The following TBC1D5 variants were observed in gnomAD, a reference collection of about 807,000 sequenced individuals.
TBC1D5 encodes TBC1 domain family member 5, also known as TBC1 domain family, member 5.
Under a neutral mutation model 100.3 loss-of-function variants are expected in TBC1D5, and 75 were observed. The ratio of observed to expected loss-of-function variants is 0.75; its 90% confidence interval spans 0.62 to 0.91. TBC1D5 has a LOEUF of 0.91. Ranked by LOEUF, TBC1D5 falls within the 40% of genes least tolerant of loss-of-function variation. The probability of loss-of-function intolerance (pLI) is 0.00; values close to 1 mark genes in which losing one functional copy is unlikely to be tolerated. For missense variants in TBC1D5, 910 were observed against 942.4 expected (o/e 0.97, Z 0.45); for synonymous variants, 323 against 325.6 (o/e 0.99, Z 0.09).
chr3:17,204,746 A>T (rs1177246756), intron 18 of TBC1D5, among the ~76,000 whole-genome samples: 1 of 152,180 alleles, frequency 6.6e-6, no homozygotes, highest in Non-Finnish European at 1.5e-5. Context: ...ATTTAAAATA[A>T]ATGTATTGCA....
chr3:17,309,634 T>C (rs1325339588), intron 13 of TBC1D5, among the ~76,000 whole-genome samples: 1 of 151,988 alleles, frequency 6.6e-6, no homozygotes, highest in African/African-American at 2.4e-5. Flanking sequence ...TTACATGGCT[T>C]AGGAAAAAAA....
At chr3:17,171,567 C>T (rs985998958) in intron 19 of TBC1D5, among the ~76,000 whole-genome samples, 1 of 152,076 alleles carries the variant, frequency 6.6e-6, no homozygotes, top group Non-Finnish European at 1.5e-5. Context: ...GTAGATGCAT[C>T]GCTCCAGTCT....
intron 19 of TBC1D5, among the ~76,000 whole-genome samples, chr3:17,177,396 C>A (rs2067890649): frequency 6.6e-6 from 1 of 152,138 alleles, no homozygotes; most frequent in Non-Finnish European, 1.5e-5. Context: ...TCAACTAGAA[C>A]AAGGTGATGG....
chr3:17,367,608 C>A (rs2092230193), intron 13 of TBC1D5, among the ~76,000 whole-genome samples: 1 of 152,074 alleles, frequency 6.6e-6, no homozygotes, highest in Non-Finnish European at 1.5e-5. Flanking sequence ...CGTGTAACCC[C>A]AGCACTTTGG....
chr3:17,407,306 A>G (rs1479804511), intron 4 of TBC1D5, among the ~76,000 whole-genome samples: 1 of 152,178 alleles, frequency 6.6e-6, no homozygotes, highest in Non-Finnish European at 1.5e-5. Flanking sequence ...CTGAGTTTGA[A>G]TAAAGCAATT....
chr3:17,298,553 G>A (rs189141543), intron 14 of TBC1D5, among the ~76,000 whole-genome samples: 37 of 152,322 alleles, frequency 2.4e-4, no homozygotes, highest in African/African-American at 8.4e-4. Context: ...TATGGCAGGG[G>A]TGATAAGGAG....
At chr3:17,210,858 CTTCTA>C (rs1438721303) in intron 18 of TBC1D5, among the ~76,000 whole-genome samples, 1 of 151,822 alleles carries the variant, frequency 6.6e-6, no homozygotes, top group East Asian at 1.9e-4. Flanking sequence ...TTTTTTCTCT[CTTCTA>C]TTTATTTGTT....
intron 1 of TBC1D5, among the ~76,000 whole-genome samples, chr3:17,633,266 G>A (rs1045856879): frequency 5.3e-5 from 8 of 151,982 alleles, no homozygotes; most frequent in South Asian, 2.1e-4. Flanking sequence ...GTGAAGTCTC[G>A]TCTCTACTAA....
chr3:17,417,890 T>C (rs928792365), intron 4 of TBC1D5, among the ~76,000 whole-genome samples: 1 of 151,876 alleles, frequency 6.6e-6, no homozygotes, highest in African/African-American at 2.4e-5. Context: ...GTATTTTTTT[T>C]TAATTGGAAT....
intron 16 of TBC1D5, among the ~76,000 whole-genome samples, chr3:17,254,387 T>C (rs2077442493): frequency 6.6e-6 from 1 of 152,172 alleles, no homozygotes; most frequent in Admixed American, 6.5e-5. Context: ...TACTGTCAAT[T>C]TTTTATTTTA....
chr3:17,179,945 T>C (rs1262607347), intron 19 of TBC1D5, among the ~76,000 whole-genome samples: 3 of 152,162 alleles, frequency 2.0e-5, no homozygotes, highest in Non-Finnish European at 2.9e-5. Flanking sequence ...AGCTGGCAGC[T>C]CAGCCCAGCT....
At chr3:17,214,137 A>G in intron 18 of TBC1D5, 70 bp downstream of exon 19, 2 of 1,489,890 alleles carry the variant, frequency 1.3e-6, no homozygotes, top group South Asian at 1.4e-5. Context: ...GCACTAACAG[A>G]GCTTTCATAA....
At chr3:17,331,576 A>G (rs571206128) in intron 13 of TBC1D5, among the ~76,000 whole-genome samples, 167 of 152,350 alleles carry the variant, frequency 1.1e-3, no homozygotes, top group African/African-American at 3.9e-3. Context: ...TTAAGAATGT[A>G]TCTATGCCAG....
intron 2 of TBC1D5, among the ~76,000 whole-genome samples, chr3:17,616,987 T>C (rs1442490080): frequency 1.3e-5 from 2 of 152,250 alleles, no homozygotes; most frequent in Non-Finnish European, 2.9e-5. Flanking sequence ...ATAGCATTGA[T>C]GGTTTTTACA....
At chr3:17,378,295 T>C (rs980395218) in intron 9 of TBC1D5, among the ~76,000 whole-genome samples, 2 of 151,724 alleles carry the variant, frequency 1.3e-5, no homozygotes, top group Non-Finnish European at 2.9e-5. Flanking sequence ...AAATATGTGT[T>C]AAAGTCTGGT....
chr3:17,683,179 T>C (rs1577444858), intron 1 of TBC1D5, among the ~76,000 whole-genome samples: 1 of 151,612 alleles, frequency 6.6e-6, no homozygotes, highest in Non-Finnish European at 1.5e-5. Flanking sequence ...TTAAAGACTA[T>C]ATTTGGGATT....
intron 21 of TBC1D5, among the ~76,000 whole-genome samples, chr3:17,164,615 C>T (rs1038711953): frequency 3.3e-5 from 5 of 152,188 alleles, no homozygotes; most frequent in Admixed American, 6.5e-5. Context: ...AGCCTGTCCA[C>T]GGCCCTCTGT....
chr3:17,221,645 A>C (rs970509009), intron 17 of TBC1D5, among the ~76,000 whole-genome samples: 1 of 152,178 alleles, frequency 6.6e-6, no homozygotes, highest in Admixed American at 6.6e-5. Context: ...CATCTTCCAG[A>C]AGCTGGGAAT....
At chr3:17,667,810 G>GA (rs1342945784) in intron 1 of TBC1D5, among the ~76,000 whole-genome samples, 1 of 151,748 alleles carries the variant, frequency 6.6e-6, no homozygotes, top group Non-Finnish European at 1.5e-5. Flanking sequence ...TTAAGTTTTT[G>GA]TCTTTCAAAA....
Sources: allele counts gnomAD v4.1 joint callset (sites outside exome capture counted in the v4.1 genomes callset), GRCh38; gene constraint gnomAD v4.1.1; transcripts MANE v1.5; gene names NCBI Gene and HGNC (gene_info 2026-07-23, HGNC 2026-07-21).